The following TAFA1 variants were observed in gnomAD, a reference collection of about 807,000 sequenced individuals.
TAFA1 encodes TAFA chemokine like family member 1.
In TAFA1, 4 loss-of-function variants were observed where a neutral mutation model predicts 18.5. That is an observed-to-expected ratio of 0.22 (90% confidence interval 0.11 to 0.49). The LOEUF (loss-of-function observed/expected upper bound fraction) is 0.49, where lower values mean the gene tolerates loss of function less well. TAFA1 is among the 20% of genes least tolerant of loss of function. The pLI is 0.98. For synonymous variants in TAFA1, 56 were observed against 55.2 expected, an observed-to-expected ratio of 1.01 and a Z score of -0.06; for missense variants, 147 against 169.0, an observed-to-expected ratio of 0.87 and a Z score of 0.72.
chr3:68,235,755 A>G (rs1024117112), intron 2 of TAFA1, among the ~76,000 whole-genome samples: 3 of 152,146 alleles, frequency 2.0e-5, no homozygotes, highest in Admixed American at 2.0e-4. Flanking sequence ...GGTAAAAAGA[A>G]ACTGTCTTTT....
chr3:68,456,536 T>G (rs955482500), intron 3 of TAFA1, among the ~76,000 whole-genome samples: 2 of 152,194 alleles, frequency 1.3e-5, no homozygotes. Flanking sequence ...TTTTTAAAAC[T>G]ATTAAACCAT....
At position 68,417,338 on chromosome 3, in the gene TAFA1, G is replaced by A. The variant is rs777930767; in HGVS notation, c.177G>A (p.Glu59=). ...AHRCCNKNRI[E]ERSQTVKCSC... ...GATGTTGTAACAAGAATCGCATTGA[G>A]GAGCGGTCACAAACAGTAAAGTGTT... The change falls in exon 3 of 5, where the codon GAG becomes GAA. Residue 59 remains glutamate (E), a synonymous_variant. Transcript: ENST00000478136. The A allele has an allele frequency of 6.2e-7, 1 of 1,613,378 alleles. No homozygotes were observed. The highest frequency in any genetic ancestry group is 8.5e-7 in the Non-Finnish European group (1 of 1,179,640).
chr3:68,447,151 C>T (rs2071484213), intron 3 of TAFA1, among the ~76,000 whole-genome samples: 1 of 152,142 alleles, frequency 6.6e-6, no homozygotes, highest in South Asian at 2.1e-4. Context: ...GTTAAATATC[C>T]ATACGTGTGC....
chr3:68,419,105 T>C (rs2070906063), intron 3 of TAFA1, among the ~76,000 whole-genome samples: 1 of 152,162 alleles, frequency 6.6e-6, no homozygotes, highest in Admixed American at 6.5e-5. Context: ...CCTCACAACG[T>C]GGTAGCTGGC....
intron 2 of TAFA1, among the ~76,000 whole-genome samples, chr3:68,399,179 T>G (rs1362923643): frequency 6.6e-6 from 1 of 152,220 alleles, no homozygotes; most frequent in Non-Finnish European, 1.5e-5. Context: ...GAGCAGTTCA[T>G]ATTACTCCAT....
At chr3:68,126,432 A>G (rs1483681275) in intron 2 of TAFA1, among the ~76,000 whole-genome samples, 1 of 152,246 alleles carries the variant, frequency 6.6e-6, no homozygotes, top group African/African-American at 2.4e-5. Flanking sequence ...GGGCTCTTAT[A>G]TCTTGCCAGA....
chr3:68,277,498 G>GA (rs541181227), intron 2 of TAFA1, among the ~76,000 whole-genome samples: 4 of 149,922 alleles, frequency 2.7e-5, no homozygotes, highest in African/African-American at 2.4e-5. Context: ...AAAGCCAAAG[G>GA]AAAAAAAAAG....
chr3:68,485,384 T>A (rs2072316962), intron 3 of TAFA1, among the ~76,000 whole-genome samples: 1 of 152,246 alleles, frequency 6.6e-6, no homozygotes, highest in Non-Finnish European at 1.5e-5. Flanking sequence ...GTGTTTTTGT[T>A]GTACTTTGCC....
intron 4 of TAFA1, among the ~76,000 whole-genome samples, chr3:68,542,515 T>C (rs2073393970): frequency 1.3e-5 from 2 of 152,260 alleles, no homozygotes; most frequent in South Asian, 4.1e-4. Flanking sequence ...ATACCTTTTA[T>C]ATTCAGGAAC....
At chr3:68,450,794 A>C (rs1181141410) in intron 3 of TAFA1, among the ~76,000 whole-genome samples, 1 of 152,210 alleles carries the variant, frequency 6.6e-6, no homozygotes, top group African/African-American at 2.4e-5. Flanking sequence ...ACATGACTCT[A>C]GTAATGTAGT....
chr3:68,385,375 G>T (rs925518063), intron 2 of TAFA1, among the ~76,000 whole-genome samples: 27 of 152,074 alleles, frequency 1.8e-4, no homozygotes, highest in African/African-American at 6.5e-4. Flanking sequence ...CAGGTTATTA[G>T]CAGATAATAG....
At chr3:68,406,781 A>G (rs1472457663) in intron 2 of TAFA1, among the ~76,000 whole-genome samples, 2 of 152,194 alleles carry the variant, frequency 1.3e-5, no homozygotes, top group East Asian at 3.9e-4. Context: ...CCCTTTCCTC[A>G]TGCTCTCTGA....
intron 3 of TAFA1, among the ~76,000 whole-genome samples, chr3:68,474,509 G>C (rs1033819226): frequency 6.6e-6 from 1 of 152,198 alleles, no homozygotes; most frequent in Admixed American, 6.5e-5. Flanking sequence ...TTGTCTGGTA[G>C]AATCTAGCAG....
intron 2 of TAFA1, among the ~76,000 whole-genome samples, chr3:68,190,168 C>A (rs1337521957): frequency 3.3e-5 from 5 of 151,672 alleles, no homozygotes; most frequent in Non-Finnish European, 4.4e-5. Context: ...TCTTTTTTTC[C>A]TTCAGGATTC....
At chr3:68,416,936 A>G (rs2070849722) in intron 2 of TAFA1, among the ~76,000 whole-genome samples, 5 of 152,158 alleles carry the variant, frequency 3.3e-5, no homozygotes, top group Admixed American at 3.3e-4. Context: ...AAATGTGATG[A>G]TAACACAGAA....
chr3:68,053,252 T>C (rs1335802066), intron 2 of TAFA1, among the ~76,000 whole-genome samples: 3 of 151,980 alleles, frequency 2.0e-5, no homozygotes, highest in Non-Finnish European at 4.4e-5. Flanking sequence ...AACAGAGTAG[T>C]TGGTGGGGGT....
chr3:68,123,094 A>G (rs929240729), intron 2 of TAFA1, among the ~76,000 whole-genome samples: 1 of 151,886 alleles, frequency 6.6e-6, no homozygotes, highest in Non-Finnish European at 1.5e-5. Context: ...TTTCTTGCAC[A>G]AATGTTTCCT....
At chr3:68,099,232 G>A (rs2065120553) in intron 2 of TAFA1, among the ~76,000 whole-genome samples, 1 of 151,934 alleles carries the variant, frequency 6.6e-6, no homozygotes, top group Non-Finnish European at 1.5e-5. Context: ...CTACAAAAGG[G>A]GATAAAGTAT....
At chr3:68,408,512 A>T (rs989753183) in intron 2 of TAFA1, among the ~76,000 whole-genome samples, 3 of 152,194 alleles carry the variant, frequency 2.0e-5, no homozygotes, top group African/African-American at 7.2e-5. Context: ...TATTCAGAAA[A>T]GGTTCCCGAA....
Sources: allele counts gnomAD v4.1 joint callset (sites outside exome capture counted in the v4.1 genomes callset), GRCh38; gene constraint gnomAD v4.1.1; transcripts MANE v1.5; gene names NCBI Gene and HGNC (gene_info 2026-07-23, HGNC 2026-07-21).